The following TRAPPC9 variants were observed in gnomAD, a reference collection of about 807,000 sequenced individuals.
The protein encoded by TRAPPC9 is trafficking protein particle complex subunit 9.
Under a neutral mutation model 124.0 loss-of-function variants are expected in TRAPPC9, and 83 were observed. The ratio of observed to expected loss-of-function variants is 0.67; its 90% CI spans 0.56 to 0.80. The LOEUF (loss-of-function observed/expected upper bound fraction) is 0.80, where lower values mean the gene tolerates loss of function less well. Ranked by LOEUF, TRAPPC9 falls within the 30% of genes least tolerant of loss-of-function variation. The pLI is 0.00. For missense variants in TRAPPC9, 1,302 were observed against 1,508.3 expected, an observed-to-expected ratio of 0.86 and a Z score of 2.27; for synonymous variants, 638 against 617.5, an observed-to-expected ratio of 1.03 and a Z score of -0.49.
intron 21 of TRAPPC9, among the ~76,000 whole-genome samples, chr8:139,822,765 G>A (rs150005459): frequency 6.6e-6 from 1 of 152,242 alleles, no homozygotes; most frequent in Non-Finnish European, 1.5e-5. Context: ...CCATGGCTGG[G>A]TAGGGTGGCA....
chr8:140,101,532 C>T lies in TRAPPC9; in HGVS notation c.2557-77453G>A, dbSNP rs950016546. Among the ~76,000 whole-genome samples, 557 of 78,326 alleles carry T rather than the reference C, an allele frequency of 7.1e-3. 2 individuals carry two copies. Among genetic ancestry groups the T allele is most frequent in the African/African-American group, 0.011 (174 of 15,436 alleles). The allele number at this position is 78,326 out of a possible 152,430, so 51.4% of individuals were successfully genotyped here. ...ACTTGGGTTGGTTTTGTAGGGTTTTCTTTTTTTTGTTTTTTTTTTTTTTTT... is the reference window on the plus strand; with the variant it reads ...ACTTGGGTTGGTTTTGTAGGGTTTTTTTTTTTTTGTTTTTTTTTTTTTTTT... On this transcript the variant is annotated intron_variant, in intron 17 of 22. Transcript: ENST00000438773.
intron 20 of TRAPPC9, among the ~76,000 whole-genome samples, chr8:139,890,112 T>G (rs1830242312): frequency 6.6e-6 from 1 of 152,166 alleles, no homozygotes; most frequent in Non-Finnish European, 1.5e-5. Context: ...GCCCTGCAGC[T>G]CCTTTATCTT....
Position 139,885,964 on chromosome 8 carries a change from G to A in TRAPPC9, c.2970C>T (p.Ser990=), listed in dbSNP as rs1829987945. 1 of 1,564,550 alleles carries A rather than the reference G, an allele frequency of 6.4e-7. No individual in the cohort carries two copies. The change falls in exon 21 of 23, where the codon TCC becomes TCT. Residue 990 remains serine (S), a synonymous_variant. Coordinates refer to ENST00000438773, the MANE Select transcript of TRAPPC9 (RefSeq NM_001160372.4). ...SKLGICWRIP[S]LKRSGEASVE... ...CACTCGCCTCGCCACTGCGCTTCAGGGAGGGGTGAGCCTTGGTCAAGGAAA... is the reference window on the plus strand; with the variant it reads ...CACTCGCCTCGCCACTGCGCTTCAGAGAGGGGTGAGCCTTGGTCAAGGAAA...
chr8:140,153,898 G>GTT (rs1563801669), intron 17 of TRAPPC9, among the ~76,000 whole-genome samples: 3 of 152,102 alleles, frequency 2.0e-5, no homozygotes, highest in Non-Finnish European at 4.4e-5. Flanking sequence ...CTGGCACCCA[G>GTT]AGCTCATTCA....
chr8:140,377,492 T>G (rs1226723908), intron 7 of TRAPPC9, among the ~76,000 whole-genome samples: 3 of 152,032 alleles, frequency 2.0e-5, no homozygotes, highest in Non-Finnish European at 2.9e-5. Context: ...AGAGACAGGG[T>G]TTCGTCATGT....
intron 5 of TRAPPC9, 95 bp from the exon 6 acceptor site, chr8:140,405,793 G>A: frequency 2.1e-6 from 3 of 1,398,710 alleles, no homozygotes; most frequent in Non-Finnish European, 3.0e-6. Flanking sequence ...ACTTAAATAT[G>A]CCCTACTGAA....
At chr8:140,372,120 T>A (rs1007548541) in intron 7 of TRAPPC9, among the ~76,000 whole-genome samples, 5 of 152,272 alleles carry the variant, frequency 3.3e-5, no homozygotes, top group Non-Finnish European at 7.4e-5. Flanking sequence ...AGGGACACAT[T>A]AATCACCTGT....
chr8:140,343,652 C>G (rs1041577236), intron 9 of TRAPPC9, among the ~76,000 whole-genome samples: 1 of 152,188 alleles, frequency 6.6e-6, no homozygotes, highest in South Asian at 2.1e-4. Flanking sequence ...TTAAAAATAC[C>G]CCACTAGTAA....
intron 21 of TRAPPC9, among the ~76,000 whole-genome samples, chr8:139,796,334 G>C (rs1348046913): frequency 6.6e-6 from 1 of 152,170 alleles, no homozygotes; most frequent in Non-Finnish European, 1.5e-5. Flanking sequence ...CCAGCAAAGG[G>C]GGAGGAGCTG....
chr8:140,033,685 T>TTTTTTTTTTTTTTTTTTG (rs1840687348), intron 17 of TRAPPC9, among the ~76,000 whole-genome samples: 1 of 117,350 alleles, frequency 8.5e-6, no homozygotes, highest in Non-Finnish European at 1.7e-5. Context: ...TTTTTTTTTT[T>TTTTTTTTTTTTTTTTTTG]TTTTTTTTTT....
chr8:139,956,163 T>A (rs1182744664), intron 19 of TRAPPC9, among the ~76,000 whole-genome samples: 3 of 152,034 alleles, frequency 2.0e-5, no homozygotes, highest in Non-Finnish European at 2.9e-5. Flanking sequence ...GTTTCGTTTT[T>A]TTTTTTCTTT....
intron 18 of TRAPPC9, among the ~76,000 whole-genome samples, chr8:139,996,158 C>CAAAAAA: frequency 0.026 from 509 of 19,234 alleles, 8 homozygotes; most frequent in Middle Eastern, 0.062. Context: ...AAAACTTAAG[C>CAAAAAA]AAAAAAAAAA....
At chr8:140,320,875 C>T (rs566081254) in intron 9 of TRAPPC9, among the ~76,000 whole-genome samples, 5 of 152,306 alleles carry the variant, frequency 3.3e-5, no homozygotes, top group East Asian at 1.9e-4. Flanking sequence ...TAACCTTGTA[C>T]ATCCAATAGC....
rs1268844392 is a variant in TRAPPC9 at position 140,353,375 on chromosome 8, A to T, written c.1495+6675T>A. 6.6e-6 allele frequency among the ~76,000 whole-genome samples: 1 copy of T among 151,450 alleles called. No individual in the cohort carries two copies. The highest frequency in any genetic ancestry group is 1.9e-4 in the East Asian group (1 of 5,156). ...AGTAGCATTAATATGACCTATTTAT[A>T]GTATGCATTTTTTCCCCTTCTTTTC... On this transcript the variant is annotated intron_variant, in intron 9 of 22. Transcript: ENST00000438773. This position sits in a 1 kb window ranked among gnomAD's most constrained non-coding sequence, Gnocchi z 4.2.
At chr8:140,166,175 C>A (rs2130917130) in intron 17 of TRAPPC9, among the ~76,000 whole-genome samples, 1 of 152,328 alleles carries the variant, frequency 6.6e-6, no homozygotes, top group African/African-American at 2.4e-5. Context: ...AAAATCAACC[C>A]CTGTGCAATA....
In TRAPPC9 at chr8:140,311,331, C is replaced by G; in HGVS notation, c.1539G>C (p.Lys513Asn). The G allele has an allele frequency of 6.2e-7, 1 of 1,614,046 alleles. No homozygotes were observed. The highest frequency in any genetic ancestry group is 8.5e-7 in the Non-Finnish European group (1 of 1,180,026). ...VAQSLENYTS[K>N]CPGTMEPIAL... ...CGATGGGCTCCATGGTCCCAGGACA[C>G]TTGGACGTATAGTTCTCTAGGCTTT... is the stretch of plus-strand genomic sequence containing the variant. Residue 513 changes from lysine (K) to asparagine (N), a missense_variant, in exon 10 of 23, where the codon AAG becomes AAC. Physicochemically the swap from Lys to Asn is moderately conservative, Grantham distance 94. Transcript: ENST00000438773.
chr8:140,001,372 A>C (rs947363965), intron 18 of TRAPPC9, among the ~76,000 whole-genome samples: 1 of 143,002 alleles, frequency 7.0e-6, no homozygotes, highest in African/African-American at 2.5e-5. Context: ...CATGTACTCT[A>C]GAACTTAAAG....
intron 18 of TRAPPC9, among the ~76,000 whole-genome samples, chr8:139,994,874 G>A (rs538493595): frequency 2.6e-5 from 4 of 151,924 alleles, no homozygotes; most frequent in Non-Finnish European, 5.9e-5. Flanking sequence ...TGGTGTAGGA[G>A]TAAAAACAGA....
intron 5 of TRAPPC9, among the ~76,000 whole-genome samples, chr8:140,406,344 C>T (rs1010290424): frequency 1.3e-5 from 2 of 152,160 alleles, no homozygotes; most frequent in African/African-American, 4.8e-5. Flanking sequence ...AAAAAATATT[C>T]TCCTAAATCT....
Sources: gnomAD v4.1 joint callset for allele counts (sites outside exome capture counted in the v4.1 genomes callset) on GRCh38, gnomAD v4.1.1 for gene constraint, Gnocchi (gnomAD v3.1) non-coding constraint, MANE v1.5 for transcripts, NCBI Gene and HGNC (gene_info 2026-07-23, HGNC 2026-07-21) for gene names.